Variants in PIK3C2G observed in about 807,000 individuals in gnomAD.
The protein encoded by PIK3C2G is phosphatidylinositol-4-phosphate 3-kinase catalytic subunit type 2 gamma.
In PIK3C2G, 168 loss-of-function variants were observed where a neutral mutation model predicts 181.1. The ratio of observed to expected loss-of-function variants is 0.93; its 90% confidence interval spans 0.82 to 1.05. PIK3C2G has a LOEUF of 1.05. Ranked by LOEUF, PIK3C2G falls within the 50% of genes least tolerant of loss-of-function variation. The probability of loss-of-function intolerance (pLI) is 0.00; values close to 1 mark genes in which losing one functional copy is unlikely to be tolerated. For synonymous variants in PIK3C2G, 573 were observed against 592.2 expected (o/e 0.97, Z 0.47); for missense variants, 1,869 against 1,732.8 (o/e 1.08, Z -1.40).
At chr12:18,550,741 C>T (rs1278141155) in intron 26 of PIK3C2G, among the ~76,000 whole-genome samples, 2 of 151,932 alleles carry the variant, frequency 1.3e-5, no homozygotes, top group African/African-American at 4.8e-5. Context: ...AAGTTACAGA[C>T]AAAAGTAAGA....
At chr12:18,469,449 A>G (rs922005300) in intron 18 of PIK3C2G, among the ~76,000 whole-genome samples, 6 of 152,140 alleles carry the variant, frequency 3.9e-5, no homozygotes, top group African/African-American at 1.4e-4. Context: ...AAAATTGCTT[A>G]TTTAAAACTA....
intron 24 of PIK3C2G, among the ~76,000 whole-genome samples, chr12:18,519,498 G>T (rs1419859487): frequency 1.3e-5 from 2 of 151,928 alleles, no homozygotes; most frequent in African/African-American, 2.4e-5. Flanking sequence ...TTTGATCTTT[G>T]TTGGTTTAAA....
chr12:18,614,370 C>T (rs934559471), intron 31 of PIK3C2G, among the ~76,000 whole-genome samples: 4 of 151,954 alleles, frequency 2.6e-5, no homozygotes, highest in Non-Finnish European at 5.9e-5. Flanking sequence ...TGAAATAAAC[C>T]ATTAATTGTT....
At chr12:18,557,471 G>A (rs1456480399) in intron 26 of PIK3C2G, among the ~76,000 whole-genome samples, 1 of 151,852 alleles carries the variant, frequency 6.6e-6, no homozygotes, top group African/African-American at 2.4e-5. Flanking sequence ...ATTCATTTAG[G>A]AAAAAAATAG....
chr12:18,463,894 C>T (rs1948052161), intron 18 of PIK3C2G, among the ~76,000 whole-genome samples: 1 of 152,042 alleles, frequency 6.6e-6, no homozygotes, highest in African/African-American at 2.4e-5. Context: ...TCAAACAGGC[C>T]CTTCACTCCT....
At chr12:18,382,478 G>A (rs1486158938) in intron 14 of PIK3C2G, among the ~76,000 whole-genome samples, 1 of 152,142 alleles carries the variant, frequency 6.6e-6, no homozygotes, top group African/African-American at 2.4e-5. Context: ...GGTTGGAAAC[G>A]TGAGGCATGC....
At chr12:18,673,802 AACTGTTGG>A in the PIK3C2G span, among the ~76,000 whole-genome samples, 1 of 152,252 alleles carries the variant, frequency 6.6e-6, no homozygotes, top group Middle Eastern at 3.4e-3. Context: ...GCTCCTCACA[AACTGTTGG>A]ACTCAGGGCC....
intron 14 of PIK3C2G, among the ~76,000 whole-genome samples, chr12:18,389,125 G>T (rs537212089): frequency 6.6e-6 from 1 of 152,138 alleles, no homozygotes; most frequent in African/African-American, 2.4e-5. Context: ...GGCCGAGGCG[G>T]GTGGATCACA....
intron 31 of PIK3C2G, among the ~76,000 whole-genome samples, chr12:18,633,842 T>C (rs1037631476): frequency 1.3e-5 from 2 of 152,202 alleles, no homozygotes; most frequent in Non-Finnish European, 2.9e-5. Context: ...TCTGTTTTTA[T>C]GATTCGGTTT....
At chr12:18,591,765 C>G (rs912698931) in intron 29 of PIK3C2G, among the ~76,000 whole-genome samples, 2 of 151,746 alleles carry the variant, frequency 1.3e-5, no homozygotes, top group Non-Finnish European at 1.5e-5. Flanking sequence ...TTTGAAAGAT[C>G]TGTTGAGCAA....
At chr12:18,477,540 G>C (rs1939127399) in intron 18 of PIK3C2G, among the ~76,000 whole-genome samples, 4 of 152,164 alleles carry the variant, frequency 2.6e-5, no homozygotes. Context: ...AGCCAGGTAG[G>C]TTGTGGAGGC....
At chr12:18,684,792 G>C in the PIK3C2G span, among the ~76,000 whole-genome samples, 1 of 151,972 alleles carries the variant, frequency 6.6e-6, no homozygotes, top group African/African-American at 2.4e-5. Flanking sequence ...ATCTCATCTT[G>C]AATTGTAATC....
At chr12:18,480,219 T>A (rs967597992) in intron 18 of PIK3C2G, among the ~76,000 whole-genome samples, 4 of 152,078 alleles carry the variant, frequency 2.6e-5, no homozygotes, top group African/African-American at 7.2e-5. Context: ...GCTTATATAA[T>A]TAACAAGCAT....
chr12:18,292,807 G>A (rs1949769208), intron 4 of PIK3C2G, among the ~76,000 whole-genome samples: 1 of 152,196 alleles, frequency 6.6e-6, no homozygotes, highest in Non-Finnish European at 1.5e-5. Context: ...CATGGGAAAG[G>A]AAGAAGAACC....
At chr12:18,652,057 A>C (rs1950543085), downstream of PIK3C2G, among the ~76,000 whole-genome samples, 1 of 152,170 alleles carries the variant, frequency 6.6e-6, no homozygotes, top group Non-Finnish European at 1.5e-5. Flanking sequence ...TATAACTTTT[A>C]AAGTTAGGCA....
intron 18 of PIK3C2G, among the ~76,000 whole-genome samples, chr12:18,442,563 T>C (rs538072237): frequency 6.6e-6 from 1 of 152,244 alleles, no homozygotes; most frequent in East Asian, 1.9e-4. Context: ...AGATGACAGA[T>C]AAGAGTAAAC....
At chr12:18,653,744 G>C in the PIK3C2G span, among the ~76,000 whole-genome samples, 1 of 152,138 alleles carries the variant, frequency 6.6e-6, no homozygotes, top group African/African-American at 2.4e-5. Flanking sequence ...CTCATTATTA[G>C]AGTTTGGAGA....
intron 31 of PIK3C2G, among the ~76,000 whole-genome samples, 169 bp from the exon 32 acceptor site, chr12:18,640,260 A>C (rs1268089379): frequency 1.3e-5 from 2 of 152,050 alleles, no homozygotes; most frequent in Non-Finnish European, 2.9e-5. Context: ...TGTAGTTTGG[A>C]ATTATCTTTG....
intron 5 of PIK3C2G, among the ~76,000 whole-genome samples, chr12:18,299,290 T>G (rs144802108): frequency 1.3e-5 from 2 of 152,018 alleles, no homozygotes; most frequent in East Asian, 3.9e-4. Context: ...GGTTTTTCAG[T>G]GTGTGTGGCA....
Sources: allele counts gnomAD v4.1 joint callset (sites outside exome capture counted in the v4.1 genomes callset), GRCh38; gene constraint gnomAD v4.1.1; transcripts MANE v1.5; gene names NCBI Gene and HGNC (gene_info 2026-07-23, HGNC 2026-07-21).